The following FRMD6 variants were observed in gnomAD, a reference collection of about 807,000 sequenced individuals.
FRMD6 encodes FERM domain-containing protein 6.
In FRMD6, 37 loss-of-function variants were observed where a neutral mutation model predicts 73.2. The ratio of observed to expected loss-of-function variants is 0.51; its 90% confidence interval spans 0.39 to 0.66. The LOEUF is 0.66. FRMD6 is among the 30% of genes least tolerant of loss of function. The probability of loss-of-function intolerance (pLI) is 0.00; values close to 1 mark genes in which losing one functional copy is unlikely to be tolerated. For synonymous variants in FRMD6, 273 were observed against 282.2 expected (o/e 0.97, Z 0.33); for missense variants, 714 against 780.5 (o/e 0.91, Z 1.02).
intron 2 of FRMD6, among the ~76,000 whole-genome samples, chr14:51,645,754 A>G (rs1213323480): frequency 6.6e-6 from 1 of 151,946 alleles, no homozygotes; most frequent in Non-Finnish European, 1.5e-5. Flanking sequence ...TTGGCTTAGG[A>G]TATCTTATTT....
At chr14:51,652,374 G>T (rs922290800) in intron 1 of FRMD6, among the ~76,000 whole-genome samples, 10 of 152,198 alleles carry the variant, frequency 6.6e-5, no homozygotes, top group Non-Finnish European at 5.9e-5. Context: ...TGCGCGCCTG[G>T]GCTCCGTGCG....
the FRMD6 span, among the ~76,000 whole-genome samples, chr14:51,400,190 C>T: frequency 6.6e-6 from 1 of 152,114 alleles, no homozygotes; most frequent in Non-Finnish European, 1.5e-5. Context: ...GTCACCATGC[C>T]ATGCAATAAG....
At chr14:51,529,418 C>T (rs1412945743) in intron 1 of FRMD6, among the ~76,000 whole-genome samples, 3 of 152,204 alleles carry the variant, frequency 2.0e-5, no homozygotes, top group African/African-American at 7.2e-5. Flanking sequence ...ATAAGCACTA[C>T]AGAAGTGTTT....
intron 2 of FRMD6, among the ~76,000 whole-genome samples, chr14:51,591,058 G>T (rs966166675): frequency 6.6e-6 from 1 of 151,882 alleles, no homozygotes; most frequent in South Asian, 2.1e-4. Context: ...CTGCTGTGGG[G>T]TTTTTTTTGG....
intron 2 of FRMD6, among the ~76,000 whole-genome samples, chr14:51,608,447 A>G (rs1890353160): frequency 6.6e-6 from 1 of 152,176 alleles, no homozygotes; most frequent in African/African-American, 2.4e-5. Flanking sequence ...AAGAGAATGC[A>G]TGGAAAGTCC....
At position 51,725,808 on chromosome 14, in the gene FRMD6, A is replaced by G. The variant is rs1897919753; in HGVS notation, c.1522A>G (p.Thr508Ala). ...GLIVKEIGSS[T>A]SSSSETVVKL... ...GATTGTGAAAGAAATTGGGTCTTCC[A>G]CCTCGAGCTCTTCAGAAACAGTTGT... The change falls in exon 13 of 14, where the codon ACC (threonine) becomes GCC (alanine). Residue 508 changes from threonine to alanine, a missense_variant. Coordinates refer to ENST00000344768, the MANE Select transcript of FRMD6 (RefSeq NM_001267046.2). 1 of 1,613,782 alleles carries G rather than the reference A, an allele frequency of 6.2e-7. No homozygotes were observed. The highest frequency in any genetic ancestry group is 8.5e-7 in the Non-Finnish European group (1 of 1,179,818).
Position 51,688,363 on chromosome 14 carries a change from G to A in FRMD6, c.-146-1328G>A, listed in dbSNP as rs146717083. On this transcript the variant is annotated intron_variant, in intron 1 of 13. Transcript: ENST00000344768. ...TATGATTACCATTTGTTTTAGTTTC[G>A]AGTAATTCCCTTGTAAATGATGTTT... 4.1e-4 allele frequency among the ~76,000 whole-genome samples: 63 copies of A among 152,100 alleles called. No individual in the cohort carries two copies. In the East Asian group the frequency reaches 0.012, roughly 28 times the overall value.
chr14:51,434,309 C>T, the FRMD6 span, among the ~76,000 whole-genome samples: 1 of 152,056 alleles, frequency 6.6e-6, no homozygotes. Flanking sequence ...TTGTTAAATG[C>T]CATTCTTCAA....
At chr14:51,430,010 C>A in the FRMD6 span, among the ~76,000 whole-genome samples, 2 of 152,250 alleles carry the variant, frequency 1.3e-5, no homozygotes, top group Admixed American at 6.5e-5. Flanking sequence ...GATGTACGCC[C>A]ATTTTAAATG....
intron 2 of FRMD6, among the ~76,000 whole-genome samples, chr14:51,602,558 C>T (rs1197529414): frequency 1.3e-5 from 2 of 152,122 alleles, no homozygotes; most frequent in East Asian, 1.9e-4. Flanking sequence ...TTTGTTGAAA[C>T]ATGGCCATGC....
chr14:51,691,187 A>G (rs10047894), intron 2 of FRMD6, among the ~76,000 whole-genome samples: 91,202 of 152,096 alleles, frequency 0.6, 27,657 homozygotes, highest in East Asian at 0.66. Context: ...CCATGTGACA[A>G]TAATTCTTTC....
At chr14:51,542,005 G>C (rs562155128) in intron 1 of FRMD6, among the ~76,000 whole-genome samples, 1 of 152,092 alleles carries the variant, frequency 6.6e-6, no homozygotes, top group Non-Finnish European at 1.5e-5. Context: ...GTTTCTCAGA[G>C]TTTGTTCCCA....
At chr14:51,402,356 G>C in the FRMD6 span, among the ~76,000 whole-genome samples, 1 of 152,238 alleles carries the variant, frequency 6.6e-6, no homozygotes, top group South Asian at 2.1e-4. Flanking sequence ...TCATTCCCAC[G>C]TGTTGTAGAG....
intron 1 of FRMD6, among the ~76,000 whole-genome samples, chr14:51,514,666 G>A (rs1884517809): frequency 6.6e-6 from 1 of 152,140 alleles, no homozygotes; most frequent in Admixed American, 6.5e-5. Context: ...TGGTCAATAT[G>A]ATGAAACCCT....
At chr14:51,399,196 T>C in the FRMD6 span, among the ~76,000 whole-genome samples, 4 of 152,192 alleles carry the variant, frequency 2.6e-5, no homozygotes, top group Non-Finnish European at 4.4e-5. Flanking sequence ...CACTCCCTCT[T>C]CTGCCTTCCT....
chr14:51,696,528 A>C (rs554366135), intron 2 of FRMD6, among the ~76,000 whole-genome samples: 1 of 152,080 alleles, frequency 6.6e-6, no homozygotes, highest in African/African-American at 2.4e-5. Flanking sequence ...CCAAATTAAT[A>C]TGGCTTTGTG....
At chr14:51,701,806 G>C (rs1342764492) in intron 4 of FRMD6, among the ~76,000 whole-genome samples, 1 of 151,588 alleles carries the variant, frequency 6.6e-6, no homozygotes, top group Non-Finnish European at 1.5e-5. Context: ...GGCTATGCTA[G>C]GTGTCAAAAT....
intron 1 of FRMD6, among the ~76,000 whole-genome samples, chr14:51,497,038 T>A (rs1159011856): frequency 6.6e-6 from 1 of 152,144 alleles, no homozygotes; most frequent in Non-Finnish European, 1.5e-5. Context: ...AACAGGGACA[T>A]GGTAACCTTA....
intron 1 of FRMD6, among the ~76,000 whole-genome samples, chr14:51,657,915 G>T (rs1213340747): frequency 2.0e-5 from 3 of 152,164 alleles, no homozygotes; most frequent in African/African-American, 7.2e-5. Flanking sequence ...AGAGATGGAG[G>T]CAGAGGTTGA....
Sources: allele counts gnomAD v4.1 joint callset (sites outside exome capture counted in the v4.1 genomes callset), GRCh38; gene constraint gnomAD v4.1.1; transcripts MANE v1.5; gene names NCBI Gene and HGNC (gene_info 2026-07-23, HGNC 2026-07-21).